The following NOS1 variants were observed in gnomAD, a reference collection of about 807,000 sequenced individuals.
The protein encoded by NOS1 is NOS type I.
A neutral mutation model predicts 164.5 loss-of-function variants in NOS1; 51 were observed. That is an observed-to-expected ratio of 0.31 (90% confidence interval 0.25 to 0.39). The LOEUF is 0.39. Ranked by LOEUF, NOS1 falls within the 10% of genes least tolerant of loss-of-function variation. The pLI is 1.00. For synonymous variants in NOS1, 719 were observed against 745.8 expected (o/e 0.96, Z 0.59); for missense variants, 1,362 against 1,885.6 (o/e 0.72, Z 5.14).
intron 1 of NOS1, among the ~76,000 whole-genome samples, chr12:117,349,111 G>A (rs891866965): frequency 2.6e-5 from 4 of 152,232 alleles, no homozygotes; most frequent in East Asian, 3.8e-4. Context: ...TCAGTAAAGT[G>A]GTTGTTCCTT....
At chr12:117,247,944 TAAAAAAA>T (rs534303027) in intron 17 of NOS1, among the ~76,000 whole-genome samples, 1 of 118,192 alleles carries the variant, frequency 8.5e-6, no homozygotes, top group Non-Finnish European at 1.8e-5. Context: ...AGACTCCGTC[TAAAAAAA>T]AAAAAAAAAG....
intron 10 of NOS1, among the ~76,000 whole-genome samples, chr12:117,271,277 CT>C (rs112893883): frequency 0.024 from 3,346 of 141,408 alleles, 111 homozygotes; most frequent in African/African-American, 0.074. Flanking sequence ...ATACCGGTGG[CT>C]TTTTTTTTTT....
At chr12:117,348,743 G>A (rs1876477768) in intron 1 of NOS1, among the ~76,000 whole-genome samples, 1 of 152,162 alleles carries the variant, frequency 6.6e-6, no homozygotes, top group East Asian at 1.9e-4. Context: ...TTCACACAAA[G>A]TGGCACTGTA....
intron 16 of NOS1, chr12:117,255,898 C>T (rs1871400534): frequency 3.7e-6 from 5 of 1,351,254 alleles, no homozygotes; most frequent in Non-Finnish European, 5.0e-6. Context: ...CATGCATACA[C>T]TCGCACACAC....
chr12:117,341,558 A>G (rs145828248), intron 1 of NOS1, among the ~76,000 whole-genome samples: 12 of 152,258 alleles, frequency 7.9e-5, no homozygotes, highest in African/African-American at 2.9e-4. Context: ...ATGACAGAAA[A>G]TTTCAGAGTT....
intron 3 of NOS1, chr12:117,304,973 A>G (rs962052854): frequency 1.6e-5 from 16 of 980,536 alleles, no homozygotes; most frequent in African/African-American, 3.5e-5. Flanking sequence ...TCCTGCTTCA[A>G]TTGCATTCTA....
At chr12:117,343,228 ACT>A (rs1188311309) in intron 1 of NOS1, among the ~76,000 whole-genome samples, 4 of 150,704 alleles carry the variant, frequency 2.7e-5, no homozygotes, top group African/African-American at 7.3e-5. Context: ...ACAGTGCAAG[ACT>A]CTGTCAAAAA....
intron 3 of NOS1, chr12:117,309,311 A>T (rs753089114): frequency 1.3e-5 from 13 of 983,904 alleles, no homozygotes; most frequent in South Asian, 4.7e-5. Context: ...CATGGGTCTG[A>T]CCTACCACAG....
Position 117,272,612 on chromosome 12 carries a change from G to A in NOS1, c.1665-53C>T. The A allele has an allele frequency of 6.4e-7, 1 of 1,550,688 alleles. No individual in the cohort carries two copies. Among genetic ancestry groups the A allele is most frequent in the Non-Finnish European group, 8.8e-7 (1 of 1,136,734 alleles). ...CCCGGAGCAGGTGTCTCATGGGCGG[G>A]ACAGCTTGAATCTAGAGATGCTGAA... On this transcript the variant is annotated intron_variant, in intron 9 of 28. Coordinates refer to ENST00000317775, the MANE Select transcript of NOS1 (RefSeq NM_000620.5). This position sits in a 1 kb window ranked among gnomAD's most constrained non-coding sequence, Gnocchi z 4.3.
chr12:117,240,360 G>A (rs1018343722), intron 20 of NOS1, among the ~76,000 whole-genome samples: 1 of 152,138 alleles, frequency 6.6e-6, no homozygotes, highest in Non-Finnish European at 1.5e-5. Flanking sequence ...CAAAGGTTTG[G>A]AGGATTACAT....
rs1187978082 is a variant in NOS1, at chr12:117,260,613, G to T, written c.2223-4C>A. 1.9e-6 allele frequency: 3 copies of T among 1,611,534 alleles called. No individual in the cohort carries two copies. Among genetic ancestry groups the T allele is most frequent in the Non-Finnish European group, 2.5e-6 (3 of 1,178,032 alleles). ...CTTGGCCGAGAACTTGACAGCTCTG[G>T]AGGGAAGAGGATGGAGATGAAAAAT... On this transcript the variant is annotated splice_region_variant and splice_polypyrimidine_tract_variant and intron_variant, in intron 13 of 28. Coordinates refer to ENST00000317775, the MANE Select transcript of NOS1 (RefSeq NM_000620.5).
Position 117,209,742 on chromosome 12 carries a change from T to G in NOS1, c.*5567A>C, listed in dbSNP as rs1011633288. The G allele has an allele frequency of 5.1e-6, 5 of 985,374 alleles. No individual in the cohort carries two copies. In the African/African-American group the frequency reaches 8.7e-5, roughly 17 times the overall value. The allele number at this position is 985,374 out of a possible 1,614,324, so 61.0% of individuals were successfully genotyped here. ...TTCCACGGGTGAAAGTGTACCTGGG[T>G]CCTTACATTTGGGGAAGGGCAGCTT... On this transcript the variant is annotated 3_prime_UTR_variant, in exon 29 of 29. Transcript: ENST00000317775.
At chr12:117,310,747 T>G (rs1016703543) in intron 3 of NOS1, among the ~76,000 whole-genome samples, 2 of 152,174 alleles carry the variant, frequency 1.3e-5, no homozygotes, top group Non-Finnish European at 1.5e-5. Context: ...TGTCCTCAAG[T>G]GATCCTCCTG....
intron 1 of NOS1, among the ~76,000 whole-genome samples, chr12:117,333,951 C>T (rs115538053): frequency 0.011 from 1,740 of 152,244 alleles, 28 homozygotes; most frequent in African/African-American, 0.038. Context: ...TTGAGCATCC[C>T]GTTTGGCATT....
intron 1 of NOS1, among the ~76,000 whole-genome samples, chr12:117,350,749 T>C (rs565211162): frequency 7.3e-4 from 111 of 152,308 alleles, no homozygotes; most frequent in African/African-American, 1.5e-3. Context: ...GTGCTAGTTG[T>C]CATCCTTTGC....
chr12:117,292,758 CAT>C (rs1310104766), intron 3 of NOS1, among the ~76,000 whole-genome samples: 6 of 152,136 alleles, frequency 3.9e-5, no homozygotes, highest in East Asian at 1.9e-4. Context: ...TAATTTAACA[CAT>C]GTTTATTGAG....
At chr12:117,314,293 A>G (rs2136057925) in intron 2 of NOS1, among the ~76,000 whole-genome samples, 1 of 152,342 alleles carries the variant, frequency 6.6e-6, no homozygotes, top group Non-Finnish European at 1.5e-5. Flanking sequence ...AAACAGAAGT[A>G]TGGTCTGTTG....
At position 117,234,741 on chromosome 12, in the gene NOS1, A is replaced by G; in HGVS notation, c.3059T>C (p.Val1020Ala). 7.4e-6 allele frequency: 12 copies of G among 1,611,906 alleles called. No individual in the cohort carries two copies. Among genetic ancestry groups the G allele is most frequent in the Non-Finnish European group, 1.0e-5 (12 of 1,178,364 alleles). Residue 1020 changes from valine to alanine, a missense_variant, in exon 21 of 29, where the codon GTG becomes GCG. By Grantham distance (64) the Val-to-Ala change is moderately conservative. Transcript: ENST00000317775. The surrounding 1 kb of genome is among the most constrained non-coding windows in gnomAD (Gnocchi z 4.3). Reference sequence around the variant, plus strand: ...CTGGCTCCCGTTGGTGTGGAGACGCACGAAGATAGTTGACCGACTGCAGGA... The same window carrying G: ...CTGGCTCCCGTTGGTGTGGAGACGCGCGAAGATAGTTGACCGACTGCAGGA... ...SPKSSRSTIF[V>A]RLHTNGSQEL...
intron 1 of NOS1, among the ~76,000 whole-genome samples, chr12:117,334,446 G>A (rs1288615419): frequency 6.6e-6 from 1 of 152,090 alleles, no homozygotes; most frequent in Non-Finnish European, 1.5e-5. Flanking sequence ...GCCCAGGCTG[G>A]AATGCAGTGG....
Sources: gnomAD v4.1 joint callset for allele counts (sites outside exome capture counted in the v4.1 genomes callset) on GRCh38, gnomAD v4.1.1 for gene constraint, Gnocchi (gnomAD v3.1) non-coding constraint, MANE v1.5 for transcripts, NCBI Gene and HGNC (gene_info 2026-07-23, HGNC 2026-07-21) for gene names.